FGF7: variants seen among roughly 807,000 people sequenced by gnomAD.
FGF7 encodes the protein FGF-7.
In FGF7, 6 loss-of-function variants were observed where a neutral mutation model predicts 20.5. That is an observed-to-expected ratio of 0.29 (90% CI 0.16 to 0.58). FGF7 has a LOEUF of 0.58. Ranked by LOEUF, FGF7 falls within the 20% of genes least tolerant of loss-of-function variation. FGF7 has a pLI of 0.90. For missense variants in FGF7, 144 were observed against 228.8 expected, an observed-to-expected ratio of 0.63 and a Z score of 2.39; for synonymous variants, 64 against 74.7, an observed-to-expected ratio of 0.86 and a Z score of 0.74.
At chr15:49,426,778 T>C (rs2151761039) in intron 2 of FGF7, among the ~76,000 whole-genome samples, 1 of 152,030 alleles carries the variant, frequency 6.6e-6, no homozygotes, top group Admixed American at 6.6e-5. Context: ...ACAATACCAG[T>C]GTACTAAAAA....
At position 49,485,502 on chromosome 15, in the gene FGF7, G is replaced by C. The variant is rs1225185502; in HGVS notation, c.*998G>C. 1.3e-5 allele frequency: 2 copies of C among 151,884 alleles called. No homozygotes were observed. The highest frequency in any genetic ancestry group is 4.9e-5 in the African/African-American group (2 of 41,220). 9.4% of individuals were successfully genotyped at this position (151,884 alleles called of 1,614,324 possible). On this transcript the variant is annotated 3_prime_UTR_variant, in exon 4 of 4. Transcript: ENST00000267843. Reference sequence around the variant, plus strand: ...AAAAAAACCTTAATAAGCTGTATCTGTTTCATATGCTTTTAATTTTAAAGG... The same window carrying C: ...AAAAAAACCTTAATAAGCTGTATCTCTTTCATATGCTTTTAATTTTAAAGG...
chr15:49,436,339 T>C (rs1300652581), intron 2 of FGF7, among the ~76,000 whole-genome samples: 4 of 151,606 alleles, frequency 2.6e-5, no homozygotes, highest in Non-Finnish European at 4.4e-5. Flanking sequence ...CATTGTGTGA[T>C]TAACATCATT....
chr15:49,443,262 CTT>C (rs2151847175), intron 2 of FGF7, among the ~76,000 whole-genome samples: 1 of 151,598 alleles, frequency 6.6e-6, no homozygotes, highest in East Asian at 1.9e-4. Context: ...ACTCAAAACT[CTT>C]TACTACTGAA....
At chr15:49,459,769 G>A (rs905237005) in intron 2 of FGF7, among the ~76,000 whole-genome samples, 1 of 152,118 alleles carries the variant, frequency 6.6e-6, no homozygotes, top group African/African-American at 2.4e-5. Flanking sequence ...GTAGCTGGTG[G>A]TGTGCTGGAG....
intron 2 of FGF7, among the ~76,000 whole-genome samples, chr15:49,429,103 T>C (rs2050371213): frequency 6.6e-6 from 1 of 151,994 alleles, no homozygotes; most frequent in African/African-American, 2.4e-5. Context: ...TAGCAAGTTA[T>C]CTAAAAGAAC....
chr15:49,454,345 C>T (rs1449328550), intron 2 of FGF7, among the ~76,000 whole-genome samples: 5 of 152,044 alleles, frequency 3.3e-5, no homozygotes, highest in African/African-American at 9.7e-5. Context: ...TCCAGAAACA[C>T]ATCATTTATA....
At chr15:49,439,508 T>A (rs987771686) in intron 2 of FGF7, among the ~76,000 whole-genome samples, 3 of 151,796 alleles carry the variant, frequency 2.0e-5, no homozygotes, top group African/African-American at 7.2e-5. Flanking sequence ...ACGGACTAAC[T>A]ACCATGCATG....
At chr15:49,461,530 GC>G (rs1185273193) in intron 2 of FGF7, among the ~76,000 whole-genome samples, 1 of 152,100 alleles carries the variant, frequency 6.6e-6, no homozygotes, top group Non-Finnish European at 1.5e-5. Flanking sequence ...CCTACTTACT[GC>G]TAGATGTCTT....
chr15:49,465,027 C>T (rs1245317412), intron 2 of FGF7, among the ~76,000 whole-genome samples: 1 of 152,056 alleles, frequency 6.6e-6, no homozygotes, highest in Non-Finnish European at 1.5e-5. Context: ...AGTTAAGAAA[C>T]TATAATGGAC....
intron 2 of FGF7, among the ~76,000 whole-genome samples, chr15:49,435,019 CAAT>C (rs2050969002): frequency 6.6e-6 from 1 of 150,476 alleles, no homozygotes; most frequent in Non-Finnish European, 1.5e-5. Flanking sequence ...TATTTTACAA[CAAT>C]AAAAATACAT....
intron 2 of FGF7, among the ~76,000 whole-genome samples, chr15:49,450,178 A>G (rs555498893): frequency 6.6e-6 from 1 of 152,162 alleles, no homozygotes; most frequent in Non-Finnish European, 1.5e-5. Flanking sequence ...AGAATGGCAG[A>G]AGAGTGAATT....
Position 49,482,148 on chromosome 15 carries a change from G to C in FGF7, c.287-1003G>C, listed in dbSNP as rs562565779. 8.7e-4 allele frequency among the ~76,000 whole-genome samples: 133 copies of C among 152,166 alleles called. 5 individuals carry two copies. The South Asian group carries it at 0.026, about 30-fold the overall frequency. ...ATAGGTAAAAGAATGTCTCAGGACTGTACCTTCATGTAGAAAATGTAATTA... is the reference window on the plus strand; with the variant it reads ...ATAGGTAAAAGAATGTCTCAGGACTCTACCTTCATGTAGAAAATGTAATTA... On this transcript the variant is annotated intron_variant, in intron 2 of 3. Coordinates refer to ENST00000267843, the MANE Select transcript of FGF7 (RefSeq NM_002009.4).
At position 49,487,147 on chromosome 15, in the gene FGF7, A is replaced by T. The variant is rs1050448864; in HGVS notation, c.*2643A>T. On this transcript the variant is annotated 3_prime_UTR_variant, in exon 4 of 4. Coordinates refer to ENST00000267843, the MANE Select transcript of FGF7 (RefSeq NM_002009.4). ...GCACTTCATACACAATGACTAATCT[A>T]TACTGTGATGATTTGACTCAAAAGG... 6.6e-6 allele frequency: 1 copy of T among 151,918 alleles called. No individual in the cohort carries two copies. Among genetic ancestry groups the T allele is most frequent in the African/African-American group, 2.4e-5 (1 of 41,412 alleles). The allele number at this position is 151,918 out of a possible 1,614,324, so 9.4% of individuals were successfully genotyped here.
chr15:49,430,883 C>T (rs2050551702), intron 2 of FGF7, among the ~76,000 whole-genome samples: 2 of 151,818 alleles, frequency 1.3e-5, no homozygotes, highest in Admixed American at 6.6e-5. Context: ...GACATTCAAA[C>T]CATAGCAAGG....
chr15:49,443,324 T>C (rs1159001337), intron 2 of FGF7, among the ~76,000 whole-genome samples: 3 of 151,620 alleles, frequency 2.0e-5, no homozygotes, highest in Non-Finnish European at 4.4e-5. Context: ...TGTATTTATA[T>C]GATGGAAATA....
intron 2 of FGF7, among the ~76,000 whole-genome samples, chr15:49,458,176 G>C (rs1336447134): frequency 2.0e-5 from 3 of 151,648 alleles, no homozygotes; most frequent in Non-Finnish European, 4.4e-5. Context: ...GATATGAGTA[G>C]GATCTTAGAG....
chr15:49,458,258 A>G (rs1409662995), intron 2 of FGF7, among the ~76,000 whole-genome samples: 2 of 151,886 alleles, frequency 1.3e-5, no homozygotes, highest in African/African-American at 2.4e-5. Context: ...ATTTATACTG[A>G]ATTAATATAC....
At chr15:49,437,729 T>C (rs1453845362) in intron 2 of FGF7, among the ~76,000 whole-genome samples, 1 of 151,714 alleles carries the variant, frequency 6.6e-6, no homozygotes, top group African/African-American at 2.4e-5. Context: ...ATATATTACG[T>C]ATTATGTACT....
At chr15:49,424,867 A>G (rs1258948066) in intron 2 of FGF7, 1 of 212,096 alleles carries the variant, frequency 4.7e-6, no homozygotes, top group Non-Finnish European at 9.3e-6. Context: ...TGTAAATAAT[A>G]TTATTCACAC....
Sources: allele counts gnomAD v4.1 joint callset (sites outside exome capture counted in the v4.1 genomes callset), GRCh38; gene constraint gnomAD v4.1.1; transcripts MANE v1.5; gene names NCBI Gene and HGNC (gene_info 2026-07-23, HGNC 2026-07-21).